Variants in LINGO2 observed in about 807,000 individuals in gnomAD.
LINGO2 encodes leucine-rich repeat and immunoglobulin-like domain-containing nogo receptor-interacting protein 2.
LINGO2 carries 14 observed loss-of-function variants against 30.6 expected under a neutral mutation model. The observed-to-expected ratio is 0.46, with a 90% confidence interval of 0.30 to 0.72. LINGO2 has a LOEUF of 0.72. Ranked by LOEUF, LINGO2 falls within the 30% of genes least tolerant of loss-of-function variation. The pLI is 0.07. For synonymous variants in LINGO2, 317 were observed against 288.5 expected (o/e 1.10, Z -1.00); for missense variants, 729 against 751.7 (o/e 0.97, Z 0.35).
At chr9:28,113,322 T>TC in intron 4 of LINGO2, among the ~76,000 whole-genome samples, 1 of 85,280 alleles carries the variant, frequency 1.2e-5, no homozygotes, top group African/African-American at 4.7e-5. Flanking sequence ...AGCCTTGTAG[T>TC]ATAGTTTGAA....
chr9:29,069,536 T>G, the LINGO2 span, among the ~76,000 whole-genome samples: 6 of 152,060 alleles, frequency 3.9e-5, no homozygotes, highest in African/African-American at 1.4e-4. Flanking sequence ...AAAGATTGCA[T>G]GCAGAGTTCC....
intron 5 of LINGO2, among the ~76,000 whole-genome samples, chr9:27,986,690 T>C (rs1471393580): frequency 6.6e-6 from 1 of 151,848 alleles, no homozygotes; most frequent in Non-Finnish European, 1.5e-5. Context: ...AAAGTGCTCG[T>C]CCCTCCTTGA....
the LINGO2 span, among the ~76,000 whole-genome samples, chr9:29,021,318 T>C: frequency 6.6e-6 from 1 of 152,118 alleles, no homozygotes; most frequent in African/African-American, 2.4e-5. Flanking sequence ...ATAGGTAAAA[T>C]TCAGGGAATA....
chr9:28,159,397 TTC>T (rs1317910014), intron 4 of LINGO2, among the ~76,000 whole-genome samples: 1 of 152,132 alleles, frequency 6.6e-6, no homozygotes, highest in Admixed American at 6.5e-5. Flanking sequence ...CTTTTATTTT[TTC>T]TCTTTTTAAA....
At chr9:28,883,559 A>G in the LINGO2 span, among the ~76,000 whole-genome samples, 5 of 147,874 alleles carry the variant, frequency 3.4e-5, no homozygotes, top group Admixed American at 3.4e-4. Context: ...TGTCACAGCA[A>G]CTGACATTTC....
the LINGO2 span, among the ~76,000 whole-genome samples, chr9:28,972,559 A>C: frequency 6.6e-6 from 1 of 151,994 alleles, no homozygotes; most frequent in Non-Finnish European, 1.5e-5. Context: ...AGAATTGATC[A>C]AGCAGAAAAA....
chr9:28,371,438 T>C (rs559423882), intron 3 of LINGO2, among the ~76,000 whole-genome samples: 1 of 152,284 alleles, frequency 6.6e-6, no homozygotes, highest in East Asian at 1.9e-4. Context: ...AGACAGCACT[T>C]TCTGTGTCCT....
chr9:28,640,106 C>A (rs1234712569), intron 1 of LINGO2, among the ~76,000 whole-genome samples: 1 of 152,092 alleles, frequency 6.6e-6, no homozygotes. Flanking sequence ...ATATGAAATT[C>A]TGGGTTGAAA....
intron 3 of LINGO2, among the ~76,000 whole-genome samples, chr9:28,354,461 C>G (rs1820076198): frequency 1.3e-5 from 2 of 152,124 alleles, no homozygotes; most frequent in Non-Finnish European, 2.9e-5. Flanking sequence ...GTTAGGTGTT[C>G]TAGAACTTCA....
chr9:28,356,738 C>T (rs2134480595), intron 3 of LINGO2, among the ~76,000 whole-genome samples: 1 of 152,188 alleles, frequency 6.6e-6, no homozygotes, highest in Non-Finnish European at 1.5e-5. Flanking sequence ...GACAGGTGGT[C>T]ACTTCTCCAC....
intron 3 of LINGO2, among the ~76,000 whole-genome samples, chr9:28,351,383 T>A (rs1269445731): frequency 6.7e-6 from 1 of 149,990 alleles, no homozygotes; most frequent in African/African-American, 2.5e-5. Context: ...TCTATGCAAA[T>A]AAACTAGAAA....
chr9:29,053,389 T>C, the LINGO2 span, among the ~76,000 whole-genome samples: 1 of 152,128 alleles, frequency 6.6e-6, no homozygotes, highest in Non-Finnish European at 1.5e-5. Flanking sequence ...GTCCATGTGT[T>C]CTCATTGTTC....
At chr9:28,533,996 T>C (rs1318642285) in intron 1 of LINGO2, among the ~76,000 whole-genome samples, 2 of 152,188 alleles carry the variant, frequency 1.3e-5, no homozygotes, top group Non-Finnish European at 2.9e-5. Context: ...AATAGATTAT[T>C]GTTGTTAGGC....
intron 4 of LINGO2, among the ~76,000 whole-genome samples, chr9:28,090,360 C>T (rs1168338555): frequency 6.6e-6 from 1 of 152,140 alleles, no homozygotes; most frequent in Non-Finnish European, 1.5e-5. Flanking sequence ...AAAAGCTTAT[C>T]CACCATGATC....
chr9:28,590,508 G>C (rs1272186678), intron 1 of LINGO2, among the ~76,000 whole-genome samples: 1 of 152,028 alleles, frequency 6.6e-6, no homozygotes. Context: ...GATATGAACA[G>C]ACACTTCTCA....
chr9:28,466,512 A>C (rs997741278), intron 2 of LINGO2, among the ~76,000 whole-genome samples: 2 of 152,148 alleles, frequency 1.3e-5, no homozygotes, highest in Non-Finnish European at 2.9e-5. Flanking sequence ...TAATAGAGTT[A>C]ATAAGATATA....
At chr9:28,837,469 A>G in the LINGO2 span, among the ~76,000 whole-genome samples, 22 of 151,062 alleles carry the variant, frequency 1.5e-4, 1 homozygote, top group Admixed American at 1.4e-3. Flanking sequence ...AACATGGAGA[A>G]ACCCCATCTC....
chr9:27,968,743 A>G (rs1426659454), intron 5 of LINGO2, among the ~76,000 whole-genome samples: 3 of 151,920 alleles, frequency 2.0e-5, no homozygotes, highest in Admixed American at 6.6e-5. Flanking sequence ...ATAACTTGCT[A>G]TATCTTTAGT....
At chr9:28,276,457 G>A (rs930457578) in intron 4 of LINGO2, among the ~76,000 whole-genome samples, 3 of 151,914 alleles carry the variant, frequency 2.0e-5, no homozygotes, top group Admixed American at 1.3e-4. Context: ...ATATCTATTA[G>A]GTATGTAACC....
Sources: gnomAD v4.1 joint callset for allele counts (sites outside exome capture counted in the v4.1 genomes callset) on GRCh38, gnomAD v4.1.1 for gene constraint, MANE v1.5 for transcripts, NCBI Gene and HGNC (gene_info 2026-07-23, HGNC 2026-07-21) for gene names.